SCAF11: variants seen among roughly 807,000 people sequenced by gnomAD.
SCAF11 encodes the protein protein SCAF11.
In SCAF11, 47 loss-of-function variants were observed where a neutral mutation model predicts 140.5. That is an observed-to-expected ratio of 0.33 (90% CI 0.26 to 0.43). SCAF11 has a LOEUF of 0.43. Among genes scored for constraint, SCAF11 ranks in the 20% least tolerant of loss-of-function variants. The probability of loss-of-function intolerance (pLI) is 1.00; values close to 1 mark genes in which losing one functional copy is unlikely to be tolerated. For missense variants in SCAF11, 1,645 were observed against 1,705.1 expected, an observed-to-expected ratio of 0.96 and a Z score of 0.62; for synonymous variants, 557 against 579.4, an observed-to-expected ratio of 0.96 and a Z score of 0.55.
In SCAF11 at chr12:45,934,293, A is replaced by G; in HGVS notation, c.523-8T>C. On this transcript the variant is annotated splice_polypyrimidine_tract_variant and splice_region_variant and intron_variant, in intron 7 of 14. Transcript: ENST00000369367. ...CCAATTTGATCTCTGAGGCTAGAAAAGTAAAAAGTAGTTAGTGAAACAGCA... is the reference window on the plus strand; with the variant it reads ...CCAATTTGATCTCTGAGGCTAGAAAGGTAAAAAGTAGTTAGTGAAACAGCA... 6.4e-7 allele frequency: 1 copy of G among 1,562,750 alleles called. No individual in the cohort carries two copies. The highest frequency in any genetic ancestry group is 8.8e-7 in the Non-Finnish European group (1 of 1,140,650).
Position 45,928,178 on chromosome 12 carries a change from T to C in SCAF11, c.1523A>G (p.Glu508Gly), listed in dbSNP as rs1235657913. The C allele has an allele frequency of 1.9e-6, 3 of 1,614,032 alleles. No individual in the cohort carries two copies. Among genetic ancestry groups the C allele is most frequent in the Non-Finnish European group, 2.5e-6 (3 of 1,180,018 alleles). Residue 508 changes from glutamate to glycine, a missense_variant, in exon 11 of 15, where the codon GAA (glutamate) becomes GGA (glycine). Glu to Gly is a moderately conservative substitution (Grantham distance 98). This residue lies in a region of SCAF11 where 1,582 missense variants were observed against 1,609.2 expected (regional missense o/e 0.98). Coordinates refer to ENST00000369367, the MANE Select transcript of SCAF11 (RefSeq NM_004719.3). ...TGIEANVLCL[E>G]SEISENILEK... ...AAGAATATTTTCAGAAATCTCACTTTCCAAACACAAAACATTAGCCTCTAT... is the reference window on the plus strand; with the variant it reads ...AAGAATATTTTCAGAAATCTCACTTCCCAAACACAAAACATTAGCCTCTAT...
chr12:45,978,880 AAAAC>A (rs1333444222), intron 1 of SCAF11, among the ~76,000 whole-genome samples: 9 of 151,876 alleles, frequency 5.9e-5, no homozygotes, highest in Non-Finnish European at 1.3e-4. Flanking sequence ...CTGCTGTACA[AAAAC>A]AAACAACAAA....
intron 1 of SCAF11, among the ~76,000 whole-genome samples, chr12:45,964,464 G>A (rs994283583): frequency 2.0e-5 from 3 of 152,014 alleles, no homozygotes; most frequent in African/African-American, 4.8e-5. Flanking sequence ...TCAGGAGATC[G>A]AGACCATCCT....
At chr12:45,969,036 G>A (rs1465598462) in intron 1 of SCAF11, among the ~76,000 whole-genome samples, 2 of 152,190 alleles carry the variant, frequency 1.3e-5, no homozygotes, top group Non-Finnish European at 2.9e-5. Flanking sequence ...TTCAAGTGTG[G>A]ACAGTGCATG....
chr12:45,951,439 T>C (rs529327311), intron 4 of SCAF11, among the ~76,000 whole-genome samples: 13 of 152,278 alleles, frequency 8.5e-5, no homozygotes, highest in Admixed American at 1.3e-4. Flanking sequence ...GTGATCATTA[T>C]GGATATGCCC....
chr12:45,927,377 T>C lies in SCAF11; in HGVS notation c.2324A>G (p.Glu775Gly), dbSNP rs747348299. 1.6e-5 allele frequency: 26 copies of C among 1,614,010 alleles called. No homozygotes were observed. In the Admixed American group the frequency reaches 2.0e-4, roughly 12 times the overall value. ...EKVETVSQPS[E>G]SPKDTIDKTK... ...TTTATCTATGGTATCTTTTGGGCTT[T>C]CAGATGGTTGAGAAACAGTTTCAAC... Residue 775 changes from glutamate (E) to glycine (G), a missense_variant, in exon 11 of 15, where the codon GAA (glutamate) becomes GGA (glycine). By Grantham distance (98) the Glu-to-Gly change is moderately conservative. Transcript: ENST00000369367.
chr12:45,921,738 T>C lies in SCAF11; in HGVS notation c.*310A>G, dbSNP rs1315937580. ...AGAAGTTTCTAATTTATGCACTCCA[T>C]TGCCCTAATCAAAAAGCTATACATT... On this transcript the variant is annotated 3_prime_UTR_variant, in exon 15 of 15. Transcript: ENST00000369367. 1 of 212,682 alleles carries C rather than the reference T, an allele frequency of 4.7e-6. No individual in the cohort carries two copies. Among genetic ancestry groups the C allele is most frequent in the Non-Finnish European group, 9.3e-6 (1 of 107,386 alleles). The allele number at this position is 212,682 out of a possible 1,614,324, so 13.2% of individuals were successfully genotyped here.
At chr12:45,946,128 T>C (rs1357289609) in intron 5 of SCAF11, among the ~76,000 whole-genome samples, 1 of 152,196 alleles carries the variant, frequency 6.6e-6, no homozygotes, top group Non-Finnish European at 1.5e-5. Flanking sequence ...GCATGATTAG[T>C]TTCACTCCTC....
At position 45,928,415 on chromosome 12, in the gene SCAF11, C is replaced by T; in HGVS notation, c.1286G>A (p.Ser429Asn). Residue 429 changes from serine to asparagine, a missense_variant, in exon 11 of 15, where the codon AGT (serine) becomes AAT (asparagine). Coordinates refer to ENST00000369367, the MANE Select transcript of SCAF11 (RefSeq NM_004719.3). ...AGTCTGCACAGTACAAATGTTACTA[C>T]TGTCTACATCTGGTTGGTGCTCTTT... ...LEKEHQPDVD[S>N]SNICTVQTHV... 2 of 1,612,904 alleles carry T rather than the reference C, an allele frequency of 1.2e-6. No homozygotes were observed. Among genetic ancestry groups the T allele is most frequent in the Non-Finnish European group, 1.7e-6 (2 of 1,178,990 alleles).
intron 10 of SCAF11, chr12:45,929,470 T>C (rs1000322999): frequency 6.6e-6 from 1 of 152,158 alleles, no homozygotes; most frequent in African/African-American, 2.4e-5. Context: ...GATCTGGGAT[T>C]ATCTAAGCAA....
chr12:45,922,662 C>CGGGA, intron 13 of SCAF11, 80 bp from the exon 14 acceptor site: 2 of 1,351,518 alleles, frequency 1.5e-6, no homozygotes, highest in Non-Finnish European at 2.0e-6. Flanking sequence ...ATTGAAAATA[C>CGGGA]TTCATATTTA....
intron 1 of SCAF11, among the ~76,000 whole-genome samples, chr12:45,971,063 T>C (rs1357720971): frequency 2.0e-5 from 3 of 152,198 alleles, no homozygotes; most frequent in African/African-American, 7.2e-5. Flanking sequence ...CAATGAAGAC[T>C]GAATTGAAAA....
At chr12:45,978,017 G>C (rs1358986709) in intron 1 of SCAF11, among the ~76,000 whole-genome samples, 1 of 152,160 alleles carries the variant, frequency 6.6e-6, no homozygotes. Context: ...TTATGTGACA[G>C]TCATCCACTC....
In SCAF11 at chr12:45,927,697, T is replaced by C; in HGVS notation, c.2004A>G (p.Leu668=). ...ATTTGGTGTTCAGAAGATTATTTTT[T>C]AGTAAGTTATTTTCAGAGTCTTGAA... ...NNIQDSENNL[L]KNNLLNTKLE... The change falls in exon 11 of 15, where the codon CTA becomes CTG. Residue 668 remains leucine (L), a synonymous_variant. Transcript: ENST00000369367. The C allele has an allele frequency of 6.2e-7, 1 of 1,612,152 alleles. No homozygotes were observed. Among genetic ancestry groups the C allele is most frequent in the Non-Finnish European group, 8.5e-7 (1 of 1,179,550 alleles).
chr12:45,964,962 TTG>T (rs898333114), intron 1 of SCAF11, among the ~76,000 whole-genome samples: 8 of 151,436 alleles, frequency 5.3e-5, no homozygotes, highest in African/African-American at 1.9e-4. Context: ...AAGGAGACAG[TTG>T]TGTGTGTGTA....
Position 45,922,201 on chromosome 12 carries a change from A to C in SCAF11, c.4246-7T>G. 2 of 1,595,280 alleles carry C rather than the reference A, an allele frequency of 1.3e-6. No homozygotes were observed. Among genetic ancestry groups the C allele is most frequent in the Non-Finnish European group, 1.7e-6 (2 of 1,175,456 alleles). On this transcript the variant is annotated splice_polypyrimidine_tract_variant and splice_region_variant and intron_variant, in intron 14 of 14. Transcript: ENST00000369367. ...CACTCTTACTATGACAAACCTAAGAAAAAAGGGGTGGGGGGTAAACTTTTT... is the reference window on the plus strand; with the variant it reads ...CACTCTTACTATGACAAACCTAAGACAAAAGGGGTGGGGGGTAAACTTTTT...
intron 6 of SCAF11, among the ~76,000 whole-genome samples, chr12:45,936,434 G>A (rs1474502397): frequency 3.3e-5 from 5 of 152,046 alleles, no homozygotes; most frequent in South Asian, 4.1e-4. Context: ...GAGCCACCAC[G>A]CCCAGCCAGC....
intron 6 of SCAF11, among the ~76,000 whole-genome samples, chr12:45,941,588 C>T (rs555985892): frequency 1.3e-5 from 2 of 152,162 alleles, no homozygotes; most frequent in East Asian, 1.9e-4. Flanking sequence ...AAAACCACCA[C>T]CATTCTACTT....
chr12:45,991,891 C>G (rs1216864332), upstream of SCAF11: 32 of 1,286,460 alleles, frequency 2.5e-5, no homozygotes, highest in Non-Finnish European at 3.1e-5. Flanking sequence ...TCACCCAGGT[C>G]CCAGTCGCTT....
Sources: gnomAD v4.1 joint callset for allele counts (sites outside exome capture counted in the v4.1 genomes callset) on GRCh38, gnomAD v4.1.1 for gene constraint, gnomAD v4.1.1 regional missense constraint, MANE v1.5 for transcripts, NCBI Gene and HGNC (gene_info 2026-07-23, HGNC 2026-07-21) for gene names.